The following VCL variants were observed in gnomAD, a reference collection of about 807,000 sequenced individuals.
VCL encodes the protein vinculin.
In VCL, 47 loss-of-function variants were observed where a neutral mutation model predicts 125.7. That is an observed-to-expected ratio of 0.37 (90% CI 0.30 to 0.48). The LOEUF is 0.48. VCL is among the 20% of genes least tolerant of loss of function. VCL has a pLI of 0.99. For missense variants in VCL, 1,069 were observed against 1,455.5 expected, an observed-to-expected ratio of 0.73 and a Z score of 4.32; for synonymous variants, 458 against 514.6, an observed-to-expected ratio of 0.89 and a Z score of 1.49.
intron 13 of VCL, among the ~76,000 whole-genome samples, chr10:74,099,957 C>G (rs1319795365): frequency 6.6e-6 from 1 of 152,172 alleles, no homozygotes; most frequent in Non-Finnish European, 1.5e-5. Flanking sequence ...ACCAAGAGAC[C>G]TTTAGAGATT....
chr10:74,114,762 A>G (rs1840286461), intron 20 of VCL, 33 bp from the exon 21 acceptor site: 1 of 1,570,314 alleles, frequency 6.4e-7, no homozygotes. Context: ...CAAGGCAAAC[A>G]GAGAAACATA....
intron 2 of VCL, among the ~76,000 whole-genome samples, chr10:74,069,900 A>G (rs1591686223): frequency 6.6e-6 from 1 of 152,198 alleles, no homozygotes; most frequent in East Asian, 1.9e-4. Context: ...CCTTTGGCTG[A>G]TCTGGTTACT....
intron 17 of VCL, among the ~76,000 whole-genome samples, chr10:74,108,640 C>T (rs941062555): frequency 3.3e-5 from 5 of 152,058 alleles, no homozygotes; most frequent in Admixed American, 2.0e-4. Flanking sequence ...CCACCATGCC[C>T]GGCTAATTTT....
At chr10:74,007,754 C>G (rs1442399531) in intron 1 of VCL, among the ~76,000 whole-genome samples, 1 of 152,122 alleles carries the variant, frequency 6.6e-6, no homozygotes, top group Non-Finnish European at 1.5e-5. Context: ...CCTTGGCCTC[C>G]CGAAGTACTG....
chr10:74,047,492 G>A (rs974748042), intron 2 of VCL, among the ~76,000 whole-genome samples: 1 of 152,136 alleles, frequency 6.6e-6, no homozygotes, highest in African/African-American at 2.4e-5. Flanking sequence ...GAGCTGCTTG[G>A]TTGATGTTTA....
rs760182807 is a variant in VCL, at chr10:74,105,006, GTTC to G, written c.2132-40_2132-38del. The stretch of plus-strand genomic sequence containing the variant: ...TGGATAACAGTGTTTTGGAGTTTCT[GTTC>G]TTCTAAATTGAAACTAAATTCCATT... On this transcript the variant is annotated intron_variant, in intron 15 of 21. Transcript: ENST00000211998. The G allele has an allele frequency of 4.7e-4, 747 of 1,604,774 alleles. 3 individuals are homozygous for G. Among genetic ancestry groups the G allele is most frequent in the Non-Finnish European group, 3.4e-4 (396 of 1,173,456 alleles).
At chr10:74,088,153 T>C (rs7083479) in intron 8 of VCL, among the ~76,000 whole-genome samples, 4,922 of 152,344 alleles carry the variant, frequency 0.032, 277 homozygotes, top group African/African-American at 0.11. Flanking sequence ...GTAAAGTTAC[T>C]GCCCCTATCA....
At chr10:74,087,532 T>TC (rs1839804096) in intron 8 of VCL, among the ~76,000 whole-genome samples, 1 of 123,966 alleles carries the variant, frequency 8.1e-6, no homozygotes, top group African/African-American at 3.1e-5. Flanking sequence ...TTTTTTTTTT[T>TC]TGGATTTTTA....
chr10:74,011,956 T>G (rs561799352), intron 1 of VCL, among the ~76,000 whole-genome samples: 2 of 152,366 alleles, frequency 1.3e-5, no homozygotes, highest in East Asian at 3.9e-4. Context: ...AAATTTCCAG[T>G]TGAATGACTT....
chr10:74,070,922 G>A (rs961100549), intron 3 of VCL, 53 bp from the exon 4 acceptor site: 11 of 1,610,604 alleles, frequency 6.8e-6, no homozygotes, highest in African/African-American at 2.7e-5. Context: ...CTGTGTTACC[G>A]TGTTTGCTAG....
intron 1 of VCL, among the ~76,000 whole-genome samples, chr10:74,038,021 G>A (rs1047076402): frequency 6.8e-6 from 1 of 147,636 alleles, no homozygotes; most frequent in Non-Finnish European, 1.5e-5. Context: ...TTTTTGAGAC[G>A]GAGTCTCGCT....
intron 2 of VCL, among the ~76,000 whole-genome samples, chr10:74,067,230 G>A (rs948918433): frequency 2.0e-5 from 3 of 151,904 alleles, no homozygotes; most frequent in Admixed American, 6.6e-5. Context: ...TTGAAAAATG[G>A]GCCTAATTGA....
intron 2 of VCL, among the ~76,000 whole-genome samples, chr10:74,059,445 C>T (rs986599827): frequency 2.0e-5 from 3 of 151,364 alleles, no homozygotes; most frequent in African/African-American, 2.4e-5. Flanking sequence ...CGCCCTGTCA[C>T]GAAGGCTGTA....
intron 8 of VCL, among the ~76,000 whole-genome samples, chr10:74,087,090 A>G (rs991989283): frequency 5.3e-5 from 8 of 152,112 alleles, no homozygotes; most frequent in Non-Finnish European, 8.8e-5. Context: ...TCTTTTAACA[A>G]AAAGATCTCT....
Position 74,083,428 on chromosome 10 carries a change from T to G in VCL, c.937T>G (p.Cys313Gly). The part of the protein sequence containing the change: ...LDEAGKVGEL[C>G]AGKERREILG... ...TGAAGCTGGAAAAGTTGGTGAACTC[T>G]GTGCAGGCAAAGAACGCAGGGAGAT... is the stretch of plus-strand genomic sequence containing the variant. Residue 313 changes from cysteine (C) to glycine (G), a missense_variant, in exon 8 of 22, where the codon TGT becomes GGT. Around this residue, in one of 6 missense-constraint regions of VCL, gnomAD observed 760 missense variants for 928.9 expected, o/e 0.82. Coordinates refer to ENST00000211998, the MANE Select transcript of VCL (RefSeq NM_014000.3). 6.2e-7 allele frequency: 1 copy of G among 1,614,186 alleles called. No homozygotes were observed. The highest frequency in any genetic ancestry group is 2.2e-5 in the East Asian group (1 of 44,880).
chr10:74,096,567 T>C (rs1302962150), intron 12 of VCL, among the ~76,000 whole-genome samples: 3 of 152,206 alleles, frequency 2.0e-5, no homozygotes, highest in Non-Finnish European at 4.4e-5. Flanking sequence ...TGGAGACTTC[T>C]TTGTATATAT....
At chr10:74,111,803 TC>T in intron 18 of VCL, 105 bp from the exon 19 acceptor site, 1 of 1,408,462 alleles carries the variant, frequency 7.1e-7, no homozygotes, top group Non-Finnish European at 9.8e-7. Flanking sequence ...TTCTTTCTCA[TC>T]CTAGGCAGGC....
At chr10:74,045,078 G>A (rs1841171773) in intron 2 of VCL, among the ~76,000 whole-genome samples, 1 of 152,126 alleles carries the variant, frequency 6.6e-6, no homozygotes, top group African/African-American at 2.4e-5. Flanking sequence ...GGCTGAAGTG[G>A]GAGGATCACC....
intron 2 of VCL, among the ~76,000 whole-genome samples, chr10:74,057,701 G>T (rs1396198988): frequency 6.6e-6 from 1 of 152,158 alleles, no homozygotes; most frequent in Non-Finnish European, 1.5e-5. Context: ...GGAGGCTGAG[G>T]TGGCCAGATT....
Sources: allele counts gnomAD v4.1 joint callset (sites outside exome capture counted in the v4.1 genomes callset), GRCh38; gene constraint gnomAD v4.1.1; regional missense constraint gnomAD v4.1.1; transcripts MANE v1.5; gene names NCBI Gene and HGNC (gene_info 2026-07-23, HGNC 2026-07-21).